The following MYH9 variants were observed in gnomAD, a reference collection of about 807,000 sequenced individuals.
The protein encoded by MYH9 is myosin-9.
A neutral mutation model predicts 241.9 loss-of-function variants in MYH9; 29 were observed. That is an observed-to-expected ratio of 0.12 (90% CI 0.09 to 0.16). The LOEUF is 0.16. MYH9 is among the 10% of genes least tolerant of loss of function. MYH9 has a pLI of 1.00. For synonymous variants in MYH9, 1,047 were observed against 1,062.6 expected (o/e 0.99, Z 0.29); for missense variants, 1,803 against 2,595.5 (o/e 0.69, Z 6.63).
At chr22:36,384,366 T>C (rs187972858) in intron 1 of MYH9, among the ~76,000 whole-genome samples, 50 of 151,108 alleles carry the variant, frequency 3.3e-4, no homozygotes, top group Admixed American at 2.1e-3. Context: ...GCAGATCACC[T>C]GAGGTCAGGA....
Position 36,282,780 on chromosome 22 carries a change from C to T in MYH9, c.5771G>A (p.Gly1924Glu). Residue 1924 changes from glycine (G) to glutamate (E), a missense_variant, in exon 41 of 41, where the codon GGG becomes GAG. Gly to Glu is a moderately conservative substitution (Grantham distance 98, BLOSUM62 -2). Transcript: ENST00000216181. ...GCGGGGCACGACAAACGGCAGGTCC[C>T]CGCGCCTGGGGGCAGAGGTAGAAGC... ...VSSLKNKLRR[G>E]DLPFVVPRRM... The T allele has an allele frequency of 1.9e-6, 3 of 1,610,082 alleles. No individual in the cohort carries two copies. The highest frequency in any genetic ancestry group is 2.5e-6 in the Non-Finnish European group (3 of 1,179,644).
At chr22:36,321,651 G>T in intron 7 of MYH9, 107 bp downstream of exon 7, 1 of 1,039,414 alleles carries the variant, frequency 9.6e-7, no homozygotes, top group Non-Finnish European at 1.5e-6. Flanking sequence ...TGTCAGGATG[G>T]GCCCATAAAG....
chr22:36,324,107 T>C (rs2017298600), intron 5 of MYH9, among the ~76,000 whole-genome samples: 1 of 152,232 alleles, frequency 6.6e-6, no homozygotes. Context: ...GGCCCCTCCA[T>C]TGCCTGTGCT....
chr22:36,320,126 C>T lies in MYH9; in HGVS notation c.1012+94G>A, dbSNP rs1046570591. On this transcript the variant is annotated intron_variant, in intron 9 of 40. Transcript: ENST00000216181. This position sits in a 1 kb window ranked among gnomAD's most constrained non-coding sequence, Gnocchi z 4.8. ...TCCCCTTCCCCTGGCCTCTAGCAGG[C>T]TCCCCAGGCCCATCGGCTACCCTGA... 6.4e-7 allele frequency: 1 copy of T among 1,569,792 alleles called. No individual in the cohort carries two copies. Among genetic ancestry groups the T allele is most frequent in the Non-Finnish European group, 8.7e-7 (1 of 1,148,598 alleles).
rs190450967 is a variant in MYH9, at chr22:36,285,287, C to T, written c.5317G>A (p.Ala1773Thr). The T allele has an allele frequency of 5.5e-5, 89 of 1,613,378 alleles. No homozygotes were observed. Among genetic ancestry groups the T allele is most frequent in the African/African-American group, 3.7e-4 (28 of 75,036 alleles). ...NTDLNLERSHAQKNENARQQL... is the reference protein window; with the variant it reads ...NTDLNLERSHTQKNENARQQL... ...TGCCGAGCATTCTCGTTCTTCTGGG[C>T]GTGGCTGCGCTCCAGGTTCAGGTCG... is the stretch of plus-strand genomic sequence containing the variant. Residue 1773 changes from alanine (A) to threonine (T), a missense_variant, in exon 38 of 41, where the codon GCC (alanine) becomes ACC (threonine). Ala to Thr is a moderately conservative substitution (Grantham distance 58). This residue lies in a region of MYH9 where 876 missense variants were observed against 1,077.8 expected (regional missense o/e 0.81). Coordinates refer to ENST00000216181, the MANE Select transcript of MYH9 (RefSeq NM_002473.6). This position sits in a 1 kb window ranked among gnomAD's most constrained non-coding sequence, Gnocchi z 7.0.
chr22:36,299,150 T>C, intron 23 of MYH9, 108 bp from the exon 24 acceptor site: 2 of 1,423,036 alleles, frequency 1.4e-6, no homozygotes, highest in Non-Finnish European at 2.0e-6. Context: ...GAGAGGGCTT[T>C]AGACGCTTGA....
Position 36,281,486 on chromosome 22 carries a change from G to T in MYH9, c.*1182C>A. 1 of 226,984 alleles carries T rather than the reference G, an allele frequency of 4.4e-6. No homozygotes were observed. Among genetic ancestry groups the T allele is most frequent in the Non-Finnish European group, 8.7e-6 (1 of 114,432 alleles). 14.1% of individuals were successfully genotyped at this position (226,984 alleles called of 1,614,324 possible). A position where few individuals can be genotyped will look rare whatever the true frequency, so the allele number is the denominator to read the frequency against. ...ATATGCAGCTTTTATATCACTTCAT[G>T]ATTTGAGAGTTTGTTTCCTTTAAAA... On this transcript the variant is annotated 3_prime_UTR_variant, in exon 41 of 41. Coordinates refer to ENST00000216181, the MANE Select transcript of MYH9 (RefSeq NM_002473.6).
chr22:36,386,290 G>A (rs557658091), intron 1 of MYH9, among the ~76,000 whole-genome samples: 52 of 152,142 alleles, frequency 3.4e-4, no homozygotes, highest in African/African-American at 1.1e-3. Context: ...CAGAGTCCCT[G>A]GCACAGAGAG....
chr22:36,292,371 T>G, intron 30 of MYH9, 137 bp from the exon 31 acceptor site: 2 of 1,157,386 alleles, frequency 1.7e-6, no homozygotes, highest in Non-Finnish European at 2.5e-6. Flanking sequence ...TGAAACCGCC[T>G]CCCCCAGTCA....
At chr22:36,379,433 C>T (rs2018221243) in intron 1 of MYH9, among the ~76,000 whole-genome samples, 1 of 152,138 alleles carries the variant, frequency 6.6e-6, no homozygotes, top group African/African-American at 2.4e-5. Context: ...GGCGTGAACC[C>T]GGGAGGTGGA....
Position 36,304,031 on chromosome 22 carries a change from C to T in MYH9, c.2354G>A (p.Gly785Glu). The change falls in exon 19 of 41, where the codon GGG (glycine) becomes GAG (glutamate). Residue 785 changes from glycine (G) to glutamate (E), a missense_variant. Around this residue, in one of 11 missense-constraint regions of MYH9, gnomAD observed 72 missense variants for 83.3 expected, o/e 0.86. Coordinates refer to ENST00000216181, the MANE Select transcript of MYH9 (RefSeq NM_002473.6). The part of the protein sequence containing the change: ...RDLKITDVII[G>E]FQACCRGYLA... ...GTAGCCCCTGCAGCAGGCCTGGAAC[C>T]CTATGATGACGTCGGTGATCTTCAG... 1.2e-6 allele frequency: 2 copies of T among 1,613,770 alleles called. No individual in the cohort carries two copies. The highest frequency in any genetic ancestry group is 1.7e-6 in the Non-Finnish European group (2 of 1,180,022).
At position 36,292,163 on chromosome 22, in the gene MYH9, C is replaced by T; in HGVS notation, c.4167G>A (p.Lys1389=). 6.2e-7 allele frequency: 1 copy of T among 1,614,208 alleles called. No homozygotes were observed. The highest frequency in any genetic ancestry group is 8.5e-7 in the Non-Finnish European group (1 of 1,180,048). The part of the protein sequence containing the change: ...CLETAEEVKR[K]LQKDLEGLSQ... ...TCAGGCCCTCCAGGTCCTTCTGGAG[C>T]TTCCTCTTCACCTCCTCAGCAGTTT... The change falls in exon 31 of 41, where the codon AAG becomes AAA. Residue 1389 remains lysine, a synonymous_variant. Coordinates refer to ENST00000216181, the MANE Select transcript of MYH9 (RefSeq NM_002473.6).
chr22:36,304,966 G>C, intron 18 of MYH9, 67 bp downstream of exon 18: 1 of 1,495,050 alleles, frequency 6.7e-7, no homozygotes, highest in South Asian at 1.1e-5. Flanking sequence ...GTGGGCCCTG[G>C]CCACGTGGGC....
chr22:36,291,627 T>C (rs937872198), intron 31 of MYH9, among the ~76,000 whole-genome samples: 27 of 139,252 alleles, frequency 1.9e-4, no homozygotes, highest in Middle Eastern at 4.1e-3. Context: ...TATTGTCCTA[T>C]GACCCTGCCA....
Position 36,295,204 on chromosome 22 carries a change from G to A in MYH9, c.3486-128C>T, listed in dbSNP as rs758879635. ...ACTCCAGGCAGCTTTTCTACCCACC[G>A]GCCCCTCCTAGCCATCTATCCCATA... is the stretch of plus-strand genomic sequence containing the variant. On this transcript the variant is annotated intron_variant, in intron 26 of 40. Coordinates refer to ENST00000216181, the MANE Select transcript of MYH9 (RefSeq NM_002473.6). This position sits in a 1 kb window ranked among gnomAD's most constrained non-coding sequence, Gnocchi z 4.1. 16 of 1,272,054 alleles carry A rather than the reference G, an allele frequency of 1.3e-5. No homozygotes were observed. Among genetic ancestry groups the A allele is most frequent in the South Asian group, 9.6e-5 (8 of 82,956 alleles). The allele number at this position is 1,272,054 out of a possible 1,614,324, so 78.8% of individuals were successfully genotyped here.
chr22:36,357,298 G>A (rs1249065961), intron 1 of MYH9, among the ~76,000 whole-genome samples: 1 of 152,190 alleles, frequency 6.6e-6, no homozygotes, highest in East Asian at 1.9e-4. Flanking sequence ...AAGAGATGGT[G>A]GAAAGGTATC....
intron 1 of MYH9, among the ~76,000 whole-genome samples, chr22:36,371,969 C>A (rs774852554): frequency 1.3e-5 from 2 of 152,010 alleles, no homozygotes; most frequent in Non-Finnish European, 2.9e-5. Flanking sequence ...ACTGCAGGGA[C>A]TTCAGTTGCC....
intron 31 of MYH9, among the ~76,000 whole-genome samples, chr22:36,291,474 A>G (rs1030572901): frequency 2.6e-5 from 4 of 151,722 alleles, no homozygotes; most frequent in African/African-American, 9.7e-5. Flanking sequence ...CAGATGCTTG[A>G]AGGCAGCATG....
chr22:36,313,790 G>C (rs1217440978), intron 13 of MYH9, among the ~76,000 whole-genome samples: 1 of 152,150 alleles, frequency 6.6e-6, no homozygotes, highest in Non-Finnish European at 1.5e-5. Flanking sequence ...ATCCATGCAT[G>C]GCTGTTTCTT....
Sources: allele counts gnomAD v4.1 joint callset (sites outside exome capture counted in the v4.1 genomes callset), GRCh38; gene constraint gnomAD v4.1.1; regional missense constraint gnomAD v4.1.1; non-coding constraint Gnocchi (gnomAD v3.1); transcripts MANE v1.5; gene names NCBI Gene and HGNC (gene_info 2026-07-23, HGNC 2026-07-21).